ADAMTSL1: variants seen among roughly 807,000 people sequenced by gnomAD.
ADAMTSL1 encodes ADAMTS like 1.
A neutral mutation model predicts 201.8 loss-of-function variants in ADAMTSL1; 126 were observed. The ratio of observed to expected loss-of-function variants is 0.62; its 90% CI spans 0.54 to 0.72. ADAMTSL1 has a LOEUF of 0.72. Ranked by LOEUF, ADAMTSL1 falls within the 30% of genes least tolerant of loss-of-function variation. The probability of loss-of-function intolerance (pLI) is 0.00; values close to 1 mark genes in which losing one functional copy is unlikely to be tolerated. For synonymous variants in ADAMTSL1, 1,121 were observed against 903.4 expected, an observed-to-expected ratio of 1.24 and a Z score of -4.32; for missense variants, 2,679 against 2,277.8, an observed-to-expected ratio of 1.18 and a Z score of -3.59.
chr9:18,867,251 T>A (rs1211685516), intron 23 of ADAMTSL1, among the ~76,000 whole-genome samples: 3 of 152,180 alleles, frequency 2.0e-5, no homozygotes, highest in African/African-American at 7.2e-5. Flanking sequence ...GCTGCATGAA[T>A]GAAAGTGAAC....
At chr9:18,861,578 G>A (rs1827218761) in intron 23 of ADAMTSL1, among the ~76,000 whole-genome samples, 1 of 152,176 alleles carries the variant, frequency 6.6e-6, no homozygotes. Flanking sequence ...TAGAAATGTA[G>A]GTTGCAAGAC....
At chr9:17,924,514 C>G (rs1383856183) in intron 1 of ADAMTSL1, among the ~76,000 whole-genome samples, 4 of 148,994 alleles carry the variant, frequency 2.7e-5, no homozygotes, top group African/African-American at 9.8e-5. Context: ...AGATATAGAT[C>G]AATGGAACAG....
At chr9:18,582,877 T>C (rs979134213) in intron 4 of ADAMTSL1, among the ~76,000 whole-genome samples, 2 of 150,202 alleles carry the variant, frequency 1.3e-5, no homozygotes, top group Admixed American at 6.6e-5. Context: ...TAAAATAAAA[T>C]AAAATAAAAT....
At chr9:18,077,185 T>A (rs9987764) in intron 1 of ADAMTSL1, among the ~76,000 whole-genome samples, 52,978 of 151,674 alleles carry the variant, frequency 0.35, 9,950 homozygotes, top group Non-Finnish European at 0.43. Context: ...AGTGATAGCA[T>A]ATAAAAGTCT....
chr9:18,364,218 C>G (rs1329820576), intron 2 of ADAMTSL1, among the ~76,000 whole-genome samples: 1 of 151,978 alleles, frequency 6.6e-6, no homozygotes, highest in Non-Finnish European at 1.5e-5. Context: ...GGCTGCAAAA[C>G]CTCCCACTCA....
chr9:17,919,338 A>G (rs911177078), intron 1 of ADAMTSL1, among the ~76,000 whole-genome samples: 1 of 151,838 alleles, frequency 6.6e-6, no homozygotes, highest in Non-Finnish European at 1.5e-5. Context: ...GTTGCTATTG[A>G]GGAATCCAGA....
At chr9:18,324,764 C>CAA (rs780617189) in intron 2 of ADAMTSL1, among the ~76,000 whole-genome samples, 2 of 120,628 alleles carry the variant, frequency 1.7e-5, no homozygotes, top group East Asian at 4.7e-4. Flanking sequence ...AACTCCATCT[C>CAA]AAAAAAAAAA....
At chr9:18,022,065 A>AT (rs1435250446) in intron 1 of ADAMTSL1, among the ~76,000 whole-genome samples, 2 of 151,902 alleles carry the variant, frequency 1.3e-5, no homozygotes, top group African/African-American at 2.4e-5. Context: ...CACAGTACTC[A>AT]TTTTTTTCTT....
chr9:18,132,786 T>C (rs950849895), intron 1 of ADAMTSL1, among the ~76,000 whole-genome samples: 1 of 152,212 alleles, frequency 6.6e-6, no homozygotes, highest in African/African-American at 2.4e-5. Flanking sequence ...CACAGTCCAA[T>C]TTCCTGCCAT....
At chr9:18,717,165 G>A (rs574263939) in intron 14 of ADAMTSL1, among the ~76,000 whole-genome samples, 14 of 150,386 alleles carry the variant, frequency 9.3e-5, no homozygotes, top group African/African-American at 3.4e-4. Flanking sequence ...CAGCGCACCA[G>A]CATGGCACAT....
At chr9:17,921,954 T>A (rs1236753369) in intron 1 of ADAMTSL1, among the ~76,000 whole-genome samples, 1 of 152,190 alleles carries the variant, frequency 6.6e-6, no homozygotes, top group Non-Finnish European at 1.5e-5. Context: ...TATTTTATTT[T>A]ATACATTTTG....
chr9:18,062,352 T>C (rs1050760604), intron 1 of ADAMTSL1, among the ~76,000 whole-genome samples: 2 of 152,170 alleles, frequency 1.3e-5, no homozygotes, highest in Non-Finnish European at 1.5e-5. Flanking sequence ...AACATTAAAA[T>C]AGTTTGCAGA....
chr9:18,242,793 GA>G (rs1303340037), intron 2 of ADAMTSL1, among the ~76,000 whole-genome samples: 5 of 151,926 alleles, frequency 3.3e-5, no homozygotes, highest in Non-Finnish European at 7.4e-5. Flanking sequence ...TTTAACCAAG[GA>G]GGTGAACAAT....
intron 2 of ADAMTSL1, among the ~76,000 whole-genome samples, chr9:18,365,194 T>C (rs1280028035): frequency 6.6e-6 from 1 of 152,178 alleles, no homozygotes; most frequent in African/African-American, 2.4e-5. Context: ...AAGCAAATTG[T>C]AGCATGTATT....
At chr9:18,097,510 T>G (rs1180177771) in intron 1 of ADAMTSL1, among the ~76,000 whole-genome samples, 2 of 152,214 alleles carry the variant, frequency 1.3e-5, no homozygotes, top group Non-Finnish European at 2.9e-5. Context: ...TTCAAAGTCA[T>G]TACACTATTT....
intron 2 of ADAMTSL1, among the ~76,000 whole-genome samples, chr9:18,168,017 A>T (rs1391257767): frequency 1.3e-5 from 2 of 152,064 alleles, no homozygotes; most frequent in Non-Finnish European, 2.9e-5. Flanking sequence ...AATAAAGAGA[A>T]GAATGAACTA....
chr9:18,569,146 A>G (rs989131597), intron 3 of ADAMTSL1, among the ~76,000 whole-genome samples: 3 of 152,128 alleles, frequency 2.0e-5, no homozygotes, highest in African/African-American at 7.2e-5. Flanking sequence ...GTGTAATCTG[A>G]TCTACTGTCA....
chr9:18,566,114 A>G (rs1399817767), intron 3 of ADAMTSL1, among the ~76,000 whole-genome samples: 2 of 152,216 alleles, frequency 1.3e-5, no homozygotes, highest in African/African-American at 4.8e-5. Flanking sequence ...TCTGAAATGT[A>G]TTAGTATTCT....
intron 7 of ADAMTSL1, among the ~76,000 whole-genome samples, chr9:18,653,639 C>G (rs947008158): frequency 6.8e-6 from 1 of 146,942 alleles, no homozygotes. Context: ...AAAAAAAACT[C>G]TGAGCTAGGG....
Sources: gnomAD v4.1 joint callset for allele counts (sites outside exome capture counted in the v4.1 genomes callset) on GRCh38, gnomAD v4.1.1 for gene constraint, MANE v1.5 for transcripts, NCBI Gene and HGNC (gene_info 2026-07-23, HGNC 2026-07-21) for gene names.